The following KCNMA1 variants were observed in gnomAD, a reference collection of about 807,000 sequenced individuals.
The protein encoded by KCNMA1 is potassium calcium-activated channel subfamily M alpha 1.
In KCNMA1, 29 loss-of-function variants were observed where a neutral mutation model predicts 140.0. The observed-to-expected ratio is 0.21, with a 90% CI of 0.15 to 0.28. The LOEUF (loss-of-function observed/expected upper bound fraction) is 0.28. Ranked by LOEUF, KCNMA1 falls within the 10% of genes least tolerant of loss-of-function variation. The probability of loss-of-function intolerance (pLI) is 1.00; values close to 1 mark genes in which losing one functional copy is unlikely to be tolerated. For synonymous variants in KCNMA1, 612 were observed against 611.9 expected (o/e 1.00, Z 0.00); for missense variants, 880 against 1,602.2 (o/e 0.55, Z 7.70).
intron 29 of KCNMA1, among the ~76,000 whole-genome samples, chr10:76,879,768 T>C (rs546821310): frequency 1.3e-5 from 2 of 152,342 alleles, no homozygotes; most frequent in East Asian, 3.9e-4. Context: ...AAGTGTGACA[T>C]AGATGAACCA....
At chr10:77,071,187 TG>T in intron 14 of KCNMA1, 1 of 152,352 alleles carries the variant, frequency 6.6e-6, no homozygotes, top group South Asian at 2.1e-4. Flanking sequence ...GGAGGAAGGT[TG>T]GGCAGAGGTT....
chr10:77,561,690 C>T (rs983998659), intron 1 of KCNMA1, among the ~76,000 whole-genome samples: 1 of 152,142 alleles, frequency 6.6e-6, no homozygotes, highest in Non-Finnish European at 1.5e-5. Context: ...ACAAGGGGCA[C>T]CATTGGCTAG....
chr10:77,595,925 C>T (rs2080815434), intron 1 of KCNMA1, among the ~76,000 whole-genome samples: 1 of 152,206 alleles, frequency 6.6e-6, no homozygotes, highest in Non-Finnish European at 1.5e-5. Flanking sequence ...GCTGGGATTA[C>T]AGGCGTGAGC....
At chr10:76,909,564 C>A (rs1020235171) in intron 25 of KCNMA1, among the ~76,000 whole-genome samples, 15 of 152,142 alleles carry the variant, frequency 9.9e-5, no homozygotes, top group Non-Finnish European at 1.9e-4. Flanking sequence ...TCTTTGCCTT[C>A]TTTGAGAGCC....
At chr10:77,413,574 G>T (rs572417688) in intron 1 of KCNMA1, among the ~76,000 whole-genome samples, 1 of 152,176 alleles carries the variant, frequency 6.6e-6, no homozygotes, top group East Asian at 1.9e-4. Context: ...AATGGATGGA[G>T]GAGGTGGTTA....
chr10:77,395,784 G>T (rs1370261401), intron 2 of KCNMA1, among the ~76,000 whole-genome samples: 2 of 152,200 alleles, frequency 1.3e-5, no homozygotes, highest in Non-Finnish European at 2.9e-5. Flanking sequence ...CGATCCTGCT[G>T]CTCTTTGAAT....
At chr10:77,000,119 C>T (rs1488051015) in intron 19 of KCNMA1, among the ~76,000 whole-genome samples, 1 of 152,160 alleles carries the variant, frequency 6.6e-6, no homozygotes, top group East Asian at 1.9e-4. Flanking sequence ...CGTCAGTGTA[C>T]ACCTACCCCT....
chr10:76,950,831 G>A (rs561729269), intron 21 of KCNMA1, among the ~76,000 whole-genome samples: 103 of 152,320 alleles, frequency 6.8e-4, no homozygotes, highest in Admixed American at 1.8e-3. Flanking sequence ...CTCTGCAATA[G>A]TCCAGGGAAA....
intron 2 of KCNMA1, among the ~76,000 whole-genome samples, chr10:77,343,504 G>A (rs759253015): frequency 1.3e-5 from 2 of 152,094 alleles, no homozygotes; most frequent in African/African-American, 4.8e-5. Context: ...AGAGGGGAGG[G>A]GGATGAGGTG....
At chr10:77,115,174 T>C (rs1231687940) in intron 6 of KCNMA1, among the ~76,000 whole-genome samples, 1 of 152,194 alleles carries the variant, frequency 6.6e-6, no homozygotes, top group Admixed American at 6.5e-5. Flanking sequence ...ATTCTGACAG[T>C]TCATGGAAAG....
At chr10:77,079,414 A>G in intron 13 of KCNMA1, 67 bp downstream of exon 13, 1 of 793,260 alleles carries the variant, frequency 1.3e-6, no homozygotes, top group Non-Finnish European at 2.2e-6. Context: ...GAGCCTGTAT[A>G]ATGAGGAAGA....
chr10:77,534,667 G>C (rs948083095), intron 1 of KCNMA1, among the ~76,000 whole-genome samples: 18 of 152,294 alleles, frequency 1.2e-4, no homozygotes, highest in African/African-American at 3.9e-4. Flanking sequence ...CAGGTAGATG[G>C]AAGGAATAAG....
chr10:77,436,810 G>A (rs2097271667), intron 1 of KCNMA1, among the ~76,000 whole-genome samples: 3 of 152,170 alleles, frequency 2.0e-5, no homozygotes, highest in Non-Finnish European at 2.9e-5. Flanking sequence ...TAAATGCTAA[G>A]AATGCCATAC....
chr10:77,550,433 G>A (rs2062517056), intron 1 of KCNMA1, among the ~76,000 whole-genome samples: 1 of 152,008 alleles, frequency 6.6e-6, no homozygotes, highest in African/African-American at 2.4e-5. Context: ...CGCTCCCTCT[G>A]GGATTTCACC....
At chr10:76,958,948 CCTT>C (rs907582818) in intron 20 of KCNMA1, among the ~76,000 whole-genome samples, 7 of 152,254 alleles carry the variant, frequency 4.6e-5, no homozygotes, top group African/African-American at 1.7e-4. Context: ...CCCCGGCTGC[CCTT>C]CTTGAATCTT....
intron 15 of KCNMA1, 90 bp downstream of exon 15, chr10:77,039,438 A>G: frequency 2.5e-6 from 2 of 799,660 alleles, no homozygotes; most frequent in Non-Finnish European, 2.2e-6. Context: ...AAGTGCTCCA[A>G]CTGTACCCAG....
At chr10:77,324,971 C>CTCTCTCTCTCTCTCTGTGTGTGTG (rs766240356) in intron 2 of KCNMA1, among the ~76,000 whole-genome samples, 4 of 90,446 alleles carry the variant, frequency 4.4e-5, no homozygotes, top group Non-Finnish European at 8.6e-5. Context: ...CTCTCTCTCT[C>CTCTCTCTCTCTCTCTGTGTGTGTG]TGTGTGTGTG....
intron 14 of KCNMA1, among the ~76,000 whole-genome samples, chr10:77,056,352 C>T (rs954348896): frequency 6.6e-6 from 1 of 152,014 alleles, no homozygotes; most frequent in African/African-American, 2.4e-5. Flanking sequence ...TGCACTCCAG[C>T]TTGGGTGACA....
At chr10:76,914,298 T>A in intron 24 of KCNMA1, 1 of 621,394 alleles carries the variant, frequency 1.6e-6, no homozygotes, top group Non-Finnish European at 2.9e-6. Flanking sequence ...TCTACAGTTT[T>A]GCACACTCAC....
Sources: gnomAD v4.1 joint callset for allele counts (sites outside exome capture counted in the v4.1 genomes callset) on GRCh38, gnomAD v4.1.1 for gene constraint, MANE v1.5 for transcripts, NCBI Gene and HGNC (gene_info 2026-07-23, HGNC 2026-07-21) for gene names.